Variants in CDH12 observed in about 807,000 individuals in gnomAD.
The protein encoded by CDH12 is cadherin-12.
Under a neutral mutation model 74.1 loss-of-function variants are expected in CDH12, and 41 were observed. The observed-to-expected ratio is 0.55, with a 90% CI of 0.43 to 0.72. The LOEUF is 0.72. Ranked by LOEUF, CDH12 falls within the 30% of genes least tolerant of loss-of-function variation. CDH12 has a pLI of 0.00. For synonymous variants in CDH12, 399 were observed against 355.0 expected (o/e 1.12, Z -1.39); for missense variants, 945 against 977.2 (o/e 0.97, Z 0.44).
At chr5:22,027,760 A>C (rs1158121028) in intron 5 of CDH12, among the ~76,000 whole-genome samples, 5 of 152,094 alleles carry the variant, frequency 3.3e-5, no homozygotes, top group Non-Finnish European at 5.9e-5. Flanking sequence ...CCTTTCAAAA[A>C]ACCAGCTCCT....
intron 2 of CDH12, among the ~76,000 whole-genome samples, chr5:22,448,720 T>G (rs757723758): frequency 2.0e-5 from 3 of 152,004 alleles, no homozygotes; most frequent in Non-Finnish European, 4.4e-5. Flanking sequence ...AATTTTTTTG[T>G]AAAAGTAAAA....
chr5:22,243,460 G>C (rs1752818103), intron 3 of CDH12, among the ~76,000 whole-genome samples: 1 of 151,806 alleles, frequency 6.6e-6, no homozygotes, highest in Admixed American at 6.6e-5. Flanking sequence ...GAAAAGGAGG[G>C]ATATGGGAAA....
chr5:22,848,545 T>A (rs1041100468), intron 1 of CDH12, among the ~76,000 whole-genome samples: 4 of 152,176 alleles, frequency 2.6e-5, no homozygotes. Flanking sequence ...CACACCCCCA[T>A]GGTCTCCATT....
At chr5:22,303,888 C>T (rs1427265315) in intron 3 of CDH12, among the ~76,000 whole-genome samples, 1 of 152,066 alleles carries the variant, frequency 6.6e-6, no homozygotes, top group Non-Finnish European at 1.5e-5. Flanking sequence ...GATCATTCCA[C>T]CGCACCATGG....
chr5:22,077,362 T>C (rs1377697041), intron 5 of CDH12, among the ~76,000 whole-genome samples: 1 of 152,158 alleles, frequency 6.6e-6, no homozygotes, highest in African/African-American at 2.4e-5. Flanking sequence ...AAATGAATAT[T>C]CCTCCTTTGA....
At chr5:22,104,036 G>T (rs1376191698) in intron 4 of CDH12, among the ~76,000 whole-genome samples, 2 of 152,104 alleles carry the variant, frequency 1.3e-5, no homozygotes, top group Non-Finnish European at 2.9e-5. Flanking sequence ...AACAGTCTCT[G>T]GTGAGGCTGC....
Position 22,332,622 on chromosome 5 carries a change from T to A in CDH12, c.-333+72635A>T, listed in dbSNP as rs375115199. On this transcript the variant is annotated intron_variant, in intron 3 of 14. Transcript: ENST00000382254. The stretch of plus-strand genomic sequence containing the variant: ...CGGAACTTAAACATATTTAAAAGAA[T>A]AAAACAAACAACCCCATCAAAAAGT... Among the ~76,000 whole-genome samples the A allele has an allele frequency of 4.0e-5, 6 of 151,838 alleles. No homozygotes were observed. In the South Asian group the frequency reaches 1.2e-3, roughly 32 times the overall value.
intron 1 of CDH12, among the ~76,000 whole-genome samples, chr5:22,595,941 TAAAA>T (rs149480148): frequency 2.1e-4 from 31 of 148,606 alleles, no homozygotes; most frequent in Admixed American, 4.0e-4. Context: ...TAAAAATAAA[TAAAA>T]AAAATTAAAA....
intron 3 of CDH12, among the ~76,000 whole-genome samples, chr5:22,341,534 T>C (rs1739849929): frequency 6.6e-6 from 1 of 152,164 alleles, no homozygotes; most frequent in South Asian, 2.1e-4. Flanking sequence ...TAAGCCATAA[T>C]ACACCTTTCT....
intron 3 of CDH12, among the ~76,000 whole-genome samples, chr5:22,299,344 A>T (rs1007880924): frequency 6.6e-6 from 1 of 152,174 alleles, no homozygotes; most frequent in African/African-American, 2.4e-5. Flanking sequence ...TCTGAATAAA[A>T]GATGGGGAGT....
At chr5:22,850,891 A>G (rs2126541644) in intron 1 of CDH12, among the ~76,000 whole-genome samples, 1 of 152,236 alleles carries the variant, frequency 6.6e-6, no homozygotes, top group Non-Finnish European at 1.5e-5. Context: ...GTTCATCACA[A>G]TGCATTTTAA....
intron 5 of CDH12, among the ~76,000 whole-genome samples, chr5:21,993,142 G>A (rs543481075): frequency 2.1e-3 from 319 of 152,182 alleles, no homozygotes; most frequent in Non-Finnish European, 3.5e-3. Context: ...TGAGATTGGC[G>A]GGGGGTGGAG....
intron 3 of CDH12, among the ~76,000 whole-genome samples, chr5:22,402,864 A>T (rs1234356309): frequency 6.6e-6 from 1 of 152,196 alleles, no homozygotes; most frequent in Non-Finnish European, 1.5e-5. Context: ...AATGGTGCAG[A>T]TCACTTCATA....
intron 3 of CDH12, among the ~76,000 whole-genome samples, chr5:22,394,065 A>C (rs907677870): frequency 1.3e-4 from 20 of 152,292 alleles, no homozygotes; most frequent in Non-Finnish European, 2.2e-4. Context: ...AGAGGTTCTA[A>C]GCCTGTACAA....
intron 4 of CDH12, among the ~76,000 whole-genome samples, chr5:22,107,498 A>ATAATTATTATATGTATATATACACATG (rs1744541726): frequency 6.6e-6 from 1 of 150,562 alleles, no homozygotes; most frequent in Admixed American, 6.7e-5. Context: ...ATATACACAT[A>ATAATTATTATATGTATATATACACATG]TAATAATTAT....
chr5:21,837,184 C>A (rs1749582116), intron 8 of CDH12, among the ~76,000 whole-genome samples: 2 of 151,914 alleles, frequency 1.3e-5, no homozygotes, highest in Admixed American at 1.3e-4. Flanking sequence ...TAGTGCATGA[C>A]ACACAGTGAT....
chr5:22,371,460 A>G (rs2126344483), intron 3 of CDH12, among the ~76,000 whole-genome samples: 1 of 152,322 alleles, frequency 6.6e-6, no homozygotes, highest in East Asian at 1.9e-4. Context: ...AGGCCATCTT[A>G]CTTCTCTGTA....
At chr5:22,734,035 G>T (rs1744563585) in intron 1 of CDH12, among the ~76,000 whole-genome samples, 1 of 151,910 alleles carries the variant, frequency 6.6e-6, no homozygotes, top group Admixed American at 6.6e-5. Context: ...CCTGGGTGTG[G>T]TATCTTGCCC....
chr5:21,906,383 T>C (rs1441378414), intron 6 of CDH12, among the ~76,000 whole-genome samples: 1 of 152,162 alleles, frequency 6.6e-6, no homozygotes, highest in Non-Finnish European at 1.5e-5. Context: ...TACTTTAGAA[T>C]ATAGCAACAC....
Sources: allele counts gnomAD v4.1 joint callset (sites outside exome capture counted in the v4.1 genomes callset), GRCh38; gene constraint gnomAD v4.1.1; transcripts MANE v1.5; gene names NCBI Gene and HGNC (gene_info 2026-07-23, HGNC 2026-07-21).